NMNAT1: variants seen among roughly 807,000 people sequenced by gnomAD.
NMNAT1 encodes nicotinamide nucleotide adenylyltransferase 1.
A neutral mutation model predicts 16.7 loss-of-function variants in NMNAT1; 11 were observed. The observed-to-expected ratio is 0.66, with a 90% CI of 0.41 to 1.09. NMNAT1 has a LOEUF of 1.09. Among genes scored for constraint, NMNAT1 ranks in the 50% least tolerant of loss-of-function variants. NMNAT1 has a pLI of 0.00. For missense variants in NMNAT1, 280 were observed against 332.3 expected, an observed-to-expected ratio of 0.84 and a Z score of 1.22; for synonymous variants, 110 against 119.8, an observed-to-expected ratio of 0.92 and a Z score of 0.53.
Position 9,961,035 on chromosome 1 carries a change from A to G in NMNAT1, c.-56-10983A>G, listed in dbSNP as rs75677441. ...AACTCTTGTGTGGCTCTGAAGGTTT[A>G]GAGTCTGGTGTGAGCTCGAGTTGGC... On this transcript the variant is annotated intron_variant, in intron 1 of 4. Coordinates refer to ENST00000377205, the MANE Select transcript of NMNAT1 (RefSeq NM_022787.4). Among the ~76,000 whole-genome samples the G allele has an allele frequency of 5.8e-3, 889 of 152,326 alleles. 9 individuals are homozygous for G. The highest frequency in any genetic ancestry group is 0.014 in the South Asian group (69 of 4,826).
chr1:9,989,953 C>T (rs1298912876), downstream of NMNAT1, among the ~76,000 whole-genome samples: 3 of 152,188 alleles, frequency 2.0e-5, no homozygotes, highest in Non-Finnish European at 2.9e-5. Context: ...AGCACTTGCC[C>T]CAGCTCCTGC....
rs1350556272 is a variant in NMNAT1 at position 9,983,251 on chromosome 1, A to T, written c.*550A>T. On this transcript the variant is annotated 3_prime_UTR_variant, in exon 5 of 5. Coordinates refer to ENST00000377205, the MANE Select transcript of NMNAT1 (RefSeq NM_022787.4). ...ATAACTATAATCCCAGCTACTTGGGAGGCTGAGGCAGGAGAATCGCTTGAA... is the reference window on the plus strand; with the variant it reads ...ATAACTATAATCCCAGCTACTTGGGTGGCTGAGGCAGGAGAATCGCTTGAA... The T allele has an allele frequency of 3.3e-5, 5 of 152,252 alleles. No homozygotes were observed. Among genetic ancestry groups the T allele is most frequent in the African/African-American group, 1.2e-4 (5 of 41,428 alleles). 9.4% of individuals were successfully genotyped at this position (152,252 alleles called of 1,614,324 possible). A position where few individuals can be genotyped will look rare whatever the true frequency, so the allele number is the denominator to read the frequency against.
chr1:9,982,133 G>A (rs2101715531), intron 4 of NMNAT1, among the ~76,000 whole-genome samples, 168 bp from the exon 5 acceptor site: 1 of 152,352 alleles, frequency 6.6e-6, no homozygotes. Context: ...AGAGTGCTGG[G>A]ATTACAGGCT....
At position 9,972,163 on chromosome 1, in the gene NMNAT1, G is replaced by A; in HGVS notation, c.90G>A (p.Leu30=). 1 of 1,609,124 alleles carries A rather than the reference G, an allele frequency of 6.2e-7. No individual in the cohort carries two copies. The highest frequency in any genetic ancestry group is 8.5e-7 in the Non-Finnish European group (1 of 1,175,612). Reference sequence around the variant, plus strand: ...ACATGCACCTCAGGTTGTTTGAGCTGGCCAAGGACTACATGAATGGAACAG... The same window carrying A: ...ACATGCACCTCAGGTTGTTTGAGCTAGCCAAGGACTACATGAATGGAACAG... ...ITNMHLRLFE[L]AKDYMNGTGR... is the part of the protein sequence containing the mutation. Residue 30 remains leucine (L), a synonymous_variant, in exon 2 of 5, where the codon CTG becomes CTA. Transcript: ENST00000377205.
At chr1:9,963,727 ATGTT>A (rs1641479285) in intron 1 of NMNAT1, among the ~76,000 whole-genome samples, 1 of 151,334 alleles carries the variant, frequency 6.6e-6, no homozygotes, top group African/African-American at 2.4e-5. Context: ...CTTTTTTGAG[ATGTT>A]TGTAATAGTG....
At position 9,982,417 on chromosome 1, in the gene NMNAT1, G is replaced by A. The variant is rs1557475933; in HGVS notation, c.556G>A (p.Val186Ile). The A allele has an allele frequency of 1.9e-6, 3 of 1,614,014 alleles. No individual in the cohort carries two copies. In the African/African-American group the frequency reaches 4.0e-5, roughly 22 times the overall value. Residue 186 changes from valine (V) to isoleucine (I), a missense_variant, in exon 5 of 5, where the codon GTT becomes ATT. Transcript: ENST00000377205. ...CGTGGCCAACTATGGGCTCATATGT[G>A]TTACTCGGGCTGGAAATGATGCTCA... ...QIVANYGLIC[V>I]TRAGNDAQKF...
chr1:9,949,036 G>A (rs1318105316), intron 1 of NMNAT1, among the ~76,000 whole-genome samples: 3 of 151,556 alleles, frequency 2.0e-5, no homozygotes, highest in African/African-American at 4.8e-5. Context: ...TTGGGAGGCC[G>A]AGGCAGGTGG....
chr1:9,970,715 A>T (rs972108777), intron 1 of NMNAT1, among the ~76,000 whole-genome samples: 1 of 152,014 alleles, frequency 6.6e-6, no homozygotes, highest in South Asian at 2.1e-4. Flanking sequence ...AAATTTTAAT[A>T]AAAACCTAAA....
At chr1:9,952,420 C>G (rs1396398106) in intron 1 of NMNAT1, 2 of 152,228 alleles carry the variant, frequency 1.3e-5, no homozygotes, top group Non-Finnish European at 2.9e-5. Context: ...AAGACATCCA[C>G]TTCAGTGCCC....
At chr1:9,960,460 G>A (rs1570689043) in intron 1 of NMNAT1, among the ~76,000 whole-genome samples, 1 of 151,936 alleles carries the variant, frequency 6.6e-6, no homozygotes, top group African/African-American at 2.4e-5. Flanking sequence ...CCAGGAGTTT[G>A]ACACCAGCCT....
At chr1:9,972,924 G>T (rs2101694984) in intron 2 of NMNAT1, among the ~76,000 whole-genome samples, 1 of 152,132 alleles carries the variant, frequency 6.6e-6, no homozygotes, top group Admixed American at 6.6e-5. Context: ...TTGCACCTTT[G>T]CCCACCAGCC....
intron 1 of NMNAT1, among the ~76,000 whole-genome samples, chr1:9,954,867 G>T (rs910337701): frequency 1.3e-5 from 2 of 149,912 alleles, no homozygotes; most frequent in Non-Finnish European, 3.0e-5. Flanking sequence ...GGAGGCGGAG[G>T]TTGCAGTGAG....
chr1:9,954,070 T>G (rs1401538930), intron 1 of NMNAT1, among the ~76,000 whole-genome samples: 3 of 151,934 alleles, frequency 2.0e-5, no homozygotes, highest in African/African-American at 7.3e-5. Context: ...CCTCCCAAAG[T>G]GCTGGGATTA....
At chr1:9,994,921 T>A in the NMNAT1 span, among the ~76,000 whole-genome samples, 54 of 152,220 alleles carry the variant, frequency 3.5e-4, no homozygotes, top group African/African-American at 1.3e-3. Flanking sequence ...CAATTTTTTG[T>A]ATTTTTAGTA....
At chr1:9,976,929 A>G (rs1212285219) in intron 3 of NMNAT1, among the ~76,000 whole-genome samples, 2 of 145,774 alleles carry the variant, frequency 1.4e-5, no homozygotes, top group South Asian at 2.2e-4. Context: ...TTTTTGAGAT[A>G]GAGGTTCACT....
Position 9,982,951 on chromosome 1 carries a change from C to A in NMNAT1, c.*250C>A. 6 of 327,098 alleles carry A rather than the reference C, an allele frequency of 1.8e-5. No homozygotes were observed. In the South Asian group the frequency reaches 2.0e-4, roughly 11 times the overall value. 20.3% of individuals were successfully genotyped at this position (327,098 alleles called of 1,614,324 possible). A position where few individuals can be genotyped will look rare whatever the true frequency, so the allele number is the denominator to read the frequency against. On this transcript the variant is annotated 3_prime_UTR_variant, in exon 5 of 5. Coordinates refer to ENST00000377205, the MANE Select transcript of NMNAT1 (RefSeq NM_022787.4). ...TGAAACCCCATCTCTACTAAAAATA[C>A]AAAAATTAGCTGTGTGTGGTGGCAC...
At chr1:9,949,212 A>G (rs1641050183) in intron 1 of NMNAT1, among the ~76,000 whole-genome samples, 1 of 150,082 alleles carries the variant, frequency 6.7e-6, no homozygotes, top group Non-Finnish European at 1.5e-5. Flanking sequence ...GATTTCAGCG[A>G]GCCGAAATCA....
rs1642029245 is a variant in NMNAT1, at chr1:9,985,164, A to G, written c.*2463A>G. On this transcript the variant is annotated 3_prime_UTR_variant, in exon 5 of 5. Transcript: ENST00000377205. ...TATGATCTAAACATTTCACCACGGC[A>G]TCCACTCAGCTGTGAGGCTGCGTAC... 1 of 152,174 alleles carries G rather than the reference A, an allele frequency of 6.6e-6. No individual in the cohort carries two copies. The allele number at this position is 152,174 out of a possible 1,614,324, so 9.4% of individuals were successfully genotyped here.
At chr1:9,945,278 C>A (rs916402482) in intron 1 of NMNAT1, among the ~76,000 whole-genome samples, 4 of 152,002 alleles carry the variant, frequency 2.6e-5, no homozygotes, top group Non-Finnish European at 5.9e-5. Context: ...AATAAAAGTA[C>A]CTATTAATGC....
Sources: gnomAD v4.1 joint callset for allele counts (sites outside exome capture counted in the v4.1 genomes callset) on GRCh38, gnomAD v4.1.1 for gene constraint, MANE v1.5 for transcripts, NCBI Gene and HGNC (gene_info 2026-07-23, HGNC 2026-07-21) for gene names.